MDGA2: variants seen among roughly 807,000 people sequenced by gnomAD.
MDGA2 encodes MAM domain-containing glycosylphosphatidylinositol anchor protein 2.
A neutral mutation model predicts 117.8 loss-of-function variants in MDGA2; 40 were observed. The observed-to-expected ratio is 0.34, with a 90% CI of 0.26 to 0.44. The LOEUF (loss-of-function observed/expected upper bound fraction) is 0.44, where lower values mean the gene tolerates loss of function less well. Ranked by LOEUF, MDGA2 falls within the 20% of genes least tolerant of loss-of-function variation. MDGA2 has a pLI of 1.00. For missense variants in MDGA2, 1,123 were observed against 1,250.6 expected (o/e 0.90, Z 1.54); for synonymous variants, 452 against 439.0 (o/e 1.03, Z -0.37).
chr14:47,063,724 A>G (rs1889978009), intron 6 of MDGA2, among the ~76,000 whole-genome samples: 1 of 151,994 alleles, frequency 6.6e-6, no homozygotes, highest in South Asian at 2.1e-4. Flanking sequence ...TAAGATTACA[A>G]TTTTGAAAGT....
At position 47,075,607 on chromosome 14, in the gene MDGA2, C is replaced by A. The variant is rs368259814; in HGVS notation, c.1196-14029G>T. ...ATACTGTGGTTATACAGGAAATGCT[C>A]ACTGAAGTGTTTTGTGTAAAGAGGC... On this transcript the variant is annotated intron_variant, in intron 6 of 16. Transcript: ENST00000399232. 7.2e-5 allele frequency among the ~76,000 whole-genome samples: 11 copies of A among 152,122 alleles called. 1 individual carries two copies. The East Asian group carries it at 1.5e-3, about 21-fold the overall frequency.
intron 1 of MDGA2, among the ~76,000 whole-genome samples, chr14:47,564,852 G>A (rs1895886384): frequency 6.6e-6 from 1 of 152,186 alleles, no homozygotes; most frequent in Admixed American, 6.5e-5. Context: ...TTATTGAGGA[G>A]AGCTGGTCTT....
Position 47,433,379 on chromosome 14 carries a change from G to A in MDGA2, c.281-131829C>T, listed in dbSNP as rs17118648. On this transcript the variant is annotated intron_variant, in intron 1 of 16. Coordinates refer to ENST00000399232, the MANE Select transcript of MDGA2 (RefSeq NM_001113498.3). ...GTTCCTCCACCCACCTGAATTTTTGGAGAAACTACACTTTGATTACCAAAA... is the reference window on the plus strand; with the variant it reads ...GTTCCTCCACCCACCTGAATTTTTGAAGAAACTACACTTTGATTACCAAAA... 6.2e-3 allele frequency among the ~76,000 whole-genome samples: 936 copies of A among 152,038 alleles called. 15 individuals are homozygous for A. The highest frequency in any genetic ancestry group is 0.022 in the African/African-American group (900 of 41,502).
At chr14:47,653,183 A>G (rs1256930538) in intron 1 of MDGA2, among the ~76,000 whole-genome samples, 1 of 152,114 alleles carries the variant, frequency 6.6e-6, no homozygotes, top group African/African-American at 2.4e-5. Context: ...AGAAAAATCA[A>G]TTTTCTATGG....
At chr14:47,139,635 C>T (rs1359648316) in intron 4 of MDGA2, among the ~76,000 whole-genome samples, 1 of 151,188 alleles carries the variant, frequency 6.6e-6, no homozygotes, top group African/African-American at 2.4e-5. Flanking sequence ...TATTGAAGTG[C>T]TCCAATACAA....
intron 2 of MDGA2, among the ~76,000 whole-genome samples, chr14:47,267,705 T>C (rs1888013043): frequency 6.6e-6 from 1 of 152,196 alleles, no homozygotes; most frequent in African/African-American, 2.4e-5. Flanking sequence ...CTCAATTGTT[T>C]TTTTCTTCTA....
intron 9 of MDGA2, among the ~76,000 whole-genome samples, chr14:46,929,500 A>C (rs1884452311): frequency 6.8e-6 from 1 of 147,498 alleles, no homozygotes; most frequent in East Asian, 2.1e-4. Context: ...AAGGTTATGA[A>C]AGGCCTATGA....
Position 47,311,814 on chromosome 14 carries a change from T to G in MDGA2, c.281-10264A>C, listed in dbSNP as rs1889644767. Among the ~76,000 whole-genome samples the G allele has an allele frequency of 6.6e-5, 10 of 152,150 alleles. No homozygotes were observed. The South Asian group carries it at 2.1e-3, about 31-fold the overall frequency. On this transcript the variant is annotated intron_variant, in intron 1 of 16. Transcript: ENST00000399232. ...GCCAAAGCTTAGTTTTGATGCCAAT[T>G]CTGCCTTATGCTAGAAACACATTTT...
At chr14:47,500,487 A>C (rs959018056) in intron 1 of MDGA2, among the ~76,000 whole-genome samples, 7 of 152,066 alleles carry the variant, frequency 4.6e-5, no homozygotes, top group African/African-American at 1.4e-4. Context: ...ACTAGCACCA[A>C]GTTTGTGGTA....
At chr14:47,419,371 G>C (rs761983534) in intron 1 of MDGA2, among the ~76,000 whole-genome samples, 17 of 151,860 alleles carry the variant, frequency 1.1e-4, no homozygotes, top group Non-Finnish European at 2.4e-4. Flanking sequence ...ATTTATTGTA[G>C]GCTGATTGAC....
At chr14:47,363,289 G>C (rs890038875) in intron 1 of MDGA2, among the ~76,000 whole-genome samples, 5 of 151,880 alleles carry the variant, frequency 3.3e-5, no homozygotes, top group African/African-American at 1.2e-4. Flanking sequence ...ACGGAGTCTT[G>C]CTCTGTCGTC....
chr14:47,544,385 A>T (rs1895415980), intron 1 of MDGA2, among the ~76,000 whole-genome samples: 1 of 152,198 alleles, frequency 6.6e-6, no homozygotes, highest in Admixed American at 6.5e-5. Context: ...CCTAAATTGC[A>T]TATTTTTTTA....
chr14:47,144,438 C>T (rs752300309), intron 3 of MDGA2, among the ~76,000 whole-genome samples, 164 bp from the exon 4 acceptor site: 9 of 151,998 alleles, frequency 5.9e-5, no homozygotes, highest in African/African-American at 1.9e-4. Flanking sequence ...TTTACAAAGA[C>T]GTTTCCAATG....
intron 1 of MDGA2, among the ~76,000 whole-genome samples, chr14:47,643,195 T>A (rs940301232): frequency 2.0e-5 from 3 of 152,120 alleles, no homozygotes; most frequent in Non-Finnish European, 4.4e-5. Context: ...AATCTTCATT[T>A]ATTTTTAATT....
At chr14:47,177,069 C>T (rs1884490880) in intron 3 of MDGA2, among the ~76,000 whole-genome samples, 1 of 151,874 alleles carries the variant, frequency 6.6e-6, no homozygotes, top group Non-Finnish European at 1.5e-5. Context: ...CATCACTGGC[C>T]ATCAGAGAAA....
chr14:46,863,773 A>C (rs998244799), intron 14 of MDGA2, among the ~76,000 whole-genome samples: 2 of 151,790 alleles, frequency 1.3e-5, no homozygotes, highest in African/African-American at 2.4e-5. Context: ...TCAATGAAGA[A>C]TAGAAAAAAA....
At position 47,582,561 on chromosome 14, in the gene MDGA2, A is replaced by G. The variant is rs185169514; in HGVS notation, c.280+91956T>C. ...CTTATTAATTTTTAGTGATTATAAT[A>G]TTTTGTATTTTCAATATAGAGTGTC... On this transcript the variant is annotated intron_variant, in intron 1 of 16. Transcript: ENST00000399232. Among the ~76,000 whole-genome samples, 8 of 151,978 alleles carry G rather than the reference A, an allele frequency of 5.3e-5. No homozygotes were observed. The East Asian group carries it at 1.5e-3, about 29-fold the overall frequency.
Position 46,957,467 on chromosome 14 carries a change from C to T in MDGA2, c.1996G>A (p.Ala666Thr), listed in dbSNP as rs199671129. ...TTTTCATTGGAAAGACTCTTCACAG[C>T]GTACTCTGTGTATTCCTGAGAGTCA... ...QFDSQEYTEY[A>T]VKSLSNENYG... Residue 666 changes from alanine to threonine, a missense_variant, in exon 9 of 17, where the codon GCT becomes ACT. By Grantham distance (58) the Ala-to-Thr change is moderately conservative. Around this residue, in one of 2 missense-constraint regions of MDGA2, gnomAD observed 890 missense variants for 1,050.3 expected, o/e 0.85. Coordinates refer to ENST00000399232, the MANE Select transcript of MDGA2 (RefSeq NM_001113498.3). 22 of 1,613,940 alleles carry T rather than the reference C, an allele frequency of 1.4e-5. No individual in the cohort carries two copies. Among genetic ancestry groups the T allele is most frequent in the Non-Finnish European group, 1.8e-5 (21 of 1,179,974 alleles).
intron 5 of MDGA2, among the ~76,000 whole-genome samples, chr14:47,105,493 C>T (rs1383151340): frequency 4.6e-5 from 7 of 151,758 alleles, no homozygotes; most frequent in Admixed American, 4.6e-4. Context: ...AACTTAAAAC[C>T]TCTTCAACTC....
Sources: allele counts gnomAD v4.1 joint callset (sites outside exome capture counted in the v4.1 genomes callset), GRCh38; gene constraint gnomAD v4.1.1; regional missense constraint gnomAD v4.1.1; transcripts MANE v1.5; gene names NCBI Gene and HGNC (gene_info 2026-07-23, HGNC 2026-07-21).